The following SHPRH variants were observed in gnomAD, a reference collection of about 807,000 sequenced individuals.
SHPRH encodes SNF2 histone linker PHD RING helicase.
SHPRH carries 106 observed loss-of-function variants against 202.5 expected under a neutral mutation model. The observed-to-expected ratio is 0.52, with a 90% confidence interval of 0.45 to 0.62. The LOEUF (loss-of-function observed/expected upper bound fraction) is 0.62. Ranked by LOEUF, SHPRH falls within the 20% of genes least tolerant of loss-of-function variation. The pLI is 0.00. For missense variants in SHPRH, 1,710 were observed against 2,020.0 expected (o/e 0.85, Z 2.94); for synonymous variants, 729 against 686.0 (o/e 1.06, Z -0.98).
chr6:145,871,549 A>G (rs993431639), intron 2 of SHPRH: 1 of 152,234 alleles, frequency 6.6e-6, no homozygotes, highest in Admixed American at 6.5e-5. Flanking sequence ...ATCAGAGATG[A>G]TGCAAACAAA....
chr6:145,893,112 A>T, intron 28 of SHPRH, 103 bp downstream of exon 28: 1 of 971,588 alleles, frequency 1.0e-6, no homozygotes, highest in Non-Finnish European at 1.4e-6. Flanking sequence ...GGAAGTAATT[A>T]AAAACAAGTA....
At chr6:145,938,436 T>C (rs1446025200) in intron 11 of SHPRH, among the ~76,000 whole-genome samples, 2 of 152,116 alleles carry the variant, frequency 1.3e-5, no homozygotes, top group Non-Finnish European at 2.9e-5. Context: ...AAAATCTGAC[T>C]GAGATTCTAT....
chr6:145,937,602 G>A (rs12525249), intron 11 of SHPRH, among the ~76,000 whole-genome samples: 5,800 of 151,948 alleles, frequency 0.038, 165 homozygotes, highest in Admixed American at 0.096. Context: ...TGTTTAAATC[G>A]TTTCAATAGC....
chr6:145,943,469 G>T lies in SHPRH; in HGVS notation c.1912C>A (p.His638Asn). The T allele has an allele frequency of 6.2e-7, 1 of 1,613,986 alleles. No individual in the cohort carries two copies. Among genetic ancestry groups the T allele is most frequent in the South Asian group, 1.1e-5 (1 of 91,066 alleles). The change falls in exon 9 of 30, where the codon CAT becomes AAT. Residue 638 changes from histidine to asparagine, a missense_variant. Coordinates refer to ENST00000275233, the MANE Select transcript of SHPRH (RefSeq NM_001042683.3). ...ETEDCAESLN[H>N]ADSDVPPSNT... ...GAAGGTGGTACATCACTATCAGCATGATTTAGAGATTCAGCACAGTCCTCT... is the reference window on the plus strand; with the variant it reads ...GAAGGTGGTACATCACTATCAGCATTATTTAGAGATTCAGCACAGTCCTCT...
chr6:145,956,078 A>AGTTT (rs1788476743), intron 1 of SHPRH, among the ~76,000 whole-genome samples: 1 of 152,188 alleles, frequency 6.6e-6, no homozygotes, highest in Non-Finnish European at 1.5e-5. Flanking sequence ...AATAAGCTTA[A>AGTTT]ACAATGGAAA....
chr6:145,930,944 C>T (rs1785376203), intron 14 of SHPRH, among the ~76,000 whole-genome samples: 1 of 152,090 alleles, frequency 6.6e-6, no homozygotes, highest in African/African-American at 2.4e-5. Context: ...AAGTAACACC[C>T]TTTATCCTTG....
rs760536619 is a variant in SHPRH at position 145,922,723 on chromosome 6, C to T, written c.3659G>A (p.Arg1220His). 1.1e-5 allele frequency: 18 copies of T among 1,611,992 alleles called. No homozygotes were observed. Among genetic ancestry groups the T allele is most frequent in the African/African-American group, 6.7e-5 (5 of 74,734 alleles). The change falls in exon 19 of 30, where the codon CGT becomes CAT. Residue 1220 changes from arginine to histidine, a missense_variant. Coordinates refer to ENST00000275233, the MANE Select transcript of SHPRH (RefSeq NM_001042683.3). ...AVKNLEGPPSRNVIESATVCH... is the reference protein window; with the variant it reads ...AVKNLEGPPSHNVIESATVCH... ...GACTGTTGCAGACTCAATAACATTA[C>T]GAGATGGAGGTCCCTCCAGGTTTTT...
downstream of SHPRH, chr6:145,864,170 G>C (rs1779669546): frequency 1.1e-5 from 2 of 180,636 alleles, no homozygotes; most frequent in South Asian, 2.8e-4. Flanking sequence ...AAATCTCTTA[G>C]GTCTATCATC....
intron 28 of SHPRH, among the ~76,000 whole-genome samples, chr6:145,891,397 G>A (rs1781553217): frequency 6.6e-6 from 1 of 151,988 alleles, no homozygotes; most frequent in Non-Finnish European, 1.5e-5. Flanking sequence ...TCTCAATAAG[G>A]CCTTGCATGC....
rs571869157 is a variant in SHPRH, at chr6:145,946,753, T to A, written c.1213-412A>T. 1.1e-3 allele frequency among the ~76,000 whole-genome samples: 162 copies of A among 150,824 alleles called. 3 individuals are homozygous for A. The South Asian group carries it at 0.031, about 29-fold the overall frequency. On this transcript the variant is annotated intron_variant, in intron 6 of 29. Coordinates refer to ENST00000275233, the MANE Select transcript of SHPRH (RefSeq NM_001042683.3). ...GTCTACAAAAAAAACATTTTTTTTTTAAATTTTCTACTCAAATCTGAAAGG... is the reference window on the plus strand; with the variant it reads ...GTCTACAAAAAAAACATTTTTTTTTAAAATTTTCTACTCAAATCTGAAAGG...
intron 1 of SHPRH, among the ~76,000 whole-genome samples, chr6:145,957,127 G>A (rs1253931175): frequency 6.6e-6 from 1 of 152,026 alleles, no homozygotes; most frequent in African/African-American, 2.4e-5. Context: ...GGCAGTCAAT[G>A]GGAAAGGTAT....
chr6:145,870,206 C>G (rs1210028402), intron 2 of SHPRH, among the ~76,000 whole-genome samples: 3 of 150,808 alleles, frequency 2.0e-5, no homozygotes, highest in Admixed American at 6.6e-5. Context: ...CTCTTACAAC[C>G]TTTCTATAAT....
chr6:145,887,529 G>GTTTTTT (rs200904161), intron 29 of SHPRH, among the ~76,000 whole-genome samples: 3 of 130,134 alleles, frequency 2.3e-5, no homozygotes, highest in Non-Finnish European at 3.3e-5. Context: ...ACCTTAACAA[G>GTTTTTT]TTTGTTTTTT....
chr6:145,892,879 T>A (rs1324313688), intron 28 of SHPRH, among the ~76,000 whole-genome samples: 2 of 152,044 alleles, frequency 1.3e-5, no homozygotes, highest in Admixed American at 1.3e-4. Context: ...AAAGGCATGA[T>A]GGATGCCTTC....
At position 145,964,163 on chromosome 6, in the gene SHPRH, T is replaced by G. The variant is rs540462722; in HGVS notation, c.-465A>C. On this transcript the variant is annotated 5_prime_UTR_variant, in exon 1 of 30. Coordinates refer to ENST00000275233, the MANE Select transcript of SHPRH (RefSeq NM_001042683.3). ...CCATCACCCAAGCGCCTACCCAAGC[T>G]GGTTCTCCGAGCCTCTTGAGTCTGT... is the stretch of plus-strand genomic sequence containing the variant. The G allele has an allele frequency of 2.0e-5, 3 of 147,664 alleles. No individual in the cohort carries two copies. In the East Asian group the frequency reaches 6.6e-4, roughly 33 times the overall value. The allele number at this position is 147,664 out of a possible 1,614,324, so 9.1% of individuals were successfully genotyped here.
intron 23 of SHPRH, among the ~76,000 whole-genome samples, chr6:145,916,522 G>A (rs902109540): frequency 2.0e-5 from 3 of 151,964 alleles, no homozygotes; most frequent in Non-Finnish European, 4.4e-5. Flanking sequence ...AAAAATCTGT[G>A]CCTAATTGTT....
chr6:145,874,261 A>C (rs1780200919), intron 2 of SHPRH, among the ~76,000 whole-genome samples: 2 of 151,300 alleles, frequency 1.3e-5, no homozygotes, highest in Admixed American at 6.6e-5. Flanking sequence ...TGTCATCTAC[A>C]CCATAGTTTC....
At chr6:145,912,034 CA>C (rs1352939832) in intron 24 of SHPRH, among the ~76,000 whole-genome samples, 1 of 151,776 alleles carries the variant, frequency 6.6e-6, no homozygotes, top group African/African-American at 2.4e-5. Context: ...CACTAGAGCT[CA>C]AAATGGACCA....
At chr6:145,861,359 A>G (rs1030064181), downstream of SHPRH, among the ~76,000 whole-genome samples, 32 of 152,150 alleles carry the variant, frequency 2.1e-4, no homozygotes, top group Admixed American at 9.8e-4. Flanking sequence ...CAACATTACT[A>G]GTCATTAGTG....
Sources: gnomAD v4.1 joint callset for allele counts (sites outside exome capture counted in the v4.1 genomes callset) on GRCh38, gnomAD v4.1.1 for gene constraint, MANE v1.5 for transcripts, NCBI Gene and HGNC (gene_info 2026-07-23, HGNC 2026-07-21) for gene names.